LMX1B: variants seen among roughly 807,000 people sequenced by gnomAD.
The protein encoded by LMX1B is LIM homeobox transcription factor 1-beta.
A neutral mutation model predicts 51.4 loss-of-function variants in LMX1B; 12 were observed. That is an observed-to-expected ratio of 0.23 (90% confidence interval 0.15 to 0.38). The LOEUF (loss-of-function observed/expected upper bound fraction) is 0.38. Among genes scored for constraint, LMX1B ranks in the 10% least tolerant of loss-of-function variants. LMX1B has a pLI of 1.00. For synonymous variants in LMX1B, 237 were observed against 235.4 expected, an observed-to-expected ratio of 1.01 and a Z score of -0.06; for missense variants, 445 against 571.1, an observed-to-expected ratio of 0.78 and a Z score of 2.25.
Position 126,673,404 on chromosome 9 carries a change from G to A in LMX1B, c.327-17432G>A, listed in dbSNP as rs1836496255. ...CCGCACCAGGGAGCTGGGCAGATCTGAGAGCCGCACAGGAGGCCAGTGGGG... is the reference window on the plus strand; with the variant it reads ...CCGCACCAGGGAGCTGGGCAGATCTAAGAGCCGCACAGGAGGCCAGTGGGG... On this transcript the variant is annotated intron_variant, in intron 2 of 7. Coordinates refer to ENST00000373474, the MANE Select transcript of LMX1B (RefSeq NM_001174147.2). This position sits in a 1 kb window ranked among gnomAD's most constrained non-coding sequence, Gnocchi z 4.4. Among the ~76,000 whole-genome samples the A allele has an allele frequency of 6.6e-6, 1 of 152,186 alleles. No homozygotes were observed. Among genetic ancestry groups the A allele is most frequent in the Non-Finnish European group, 1.5e-5 (1 of 68,032 alleles).
At chr9:126,669,307 G>A (rs147825462) in intron 2 of LMX1B, among the ~76,000 whole-genome samples, 1 of 152,330 alleles carries the variant, frequency 6.6e-6, no homozygotes, top group Non-Finnish European at 1.5e-5. Flanking sequence ...TGAGGCCTGG[G>A]GAGAGGGAGG....
intron 2 of LMX1B, among the ~76,000 whole-genome samples, chr9:126,676,312 C>T (rs7030658): frequency 6.6e-6 from 1 of 152,082 alleles, no homozygotes; most frequent in Admixed American, 6.5e-5. Flanking sequence ...CTCTGTCTTC[C>T]GAAAAGTGGC....
In LMX1B at chr9:126,660,008, T is replaced by TA. The variant is rs1564158274; in HGVS notation, c.327-30828_327-30827insA. Among the ~76,000 whole-genome samples the TA allele has an allele frequency of 2.7e-4, 24 of 89,744 alleles. 1 individual carries two copies. Among genetic ancestry groups the TA allele is most frequent in the African/African-American group, 9.0e-4 (22 of 24,560 alleles). 58.9% of individuals were successfully genotyped at this position (89,744 alleles called of 152,430 possible). On this transcript the variant is annotated intron_variant, in intron 2 of 7. Transcript: ENST00000373474. ...GTCCTGTGTGTGTCTACACTGGCCT[T>TA]GGAAATTGTCCTGTGTGGGGGTGTC...
intron 2 of LMX1B, among the ~76,000 whole-genome samples, chr9:126,648,787 C>T (rs1210708277): frequency 6.6e-6 from 1 of 152,078 alleles, no homozygotes; most frequent in Non-Finnish European, 1.5e-5. Context: ...ATAGAGGTTA[C>T]CAGGACTGAG....
intron 2 of LMX1B, among the ~76,000 whole-genome samples, chr9:126,617,311 CA>C (rs1316053679): frequency 5.3e-5 from 8 of 151,964 alleles, no homozygotes; most frequent in Admixed American, 5.2e-4. Context: ...CCAGCTCAGC[CA>C]CCAGCCTTTA....
chr9:126,659,065 A>T (rs1564157927), intron 2 of LMX1B, among the ~76,000 whole-genome samples: 1 of 152,218 alleles, frequency 6.6e-6, no homozygotes, highest in South Asian at 2.1e-4. Context: ...ACAGAGAGGC[A>T]TGCAGACGCT....
chr9:126,670,409 G>A (rs1588292807), intron 2 of LMX1B, among the ~76,000 whole-genome samples: 2 of 152,360 alleles, frequency 1.3e-5, no homozygotes, highest in East Asian at 1.9e-4. Context: ...GTGCGTATGA[G>A]CATGCATGTG....
chr9:126,659,628 T>A (rs985690296), intron 2 of LMX1B, among the ~76,000 whole-genome samples: 2 of 152,088 alleles, frequency 1.3e-5, no homozygotes, highest in African/African-American at 4.8e-5. Context: ...GATTGTCCTG[T>A]GTGTGTGTCT....
rs939717591 is a variant in LMX1B at position 126,626,606 on chromosome 9, G to A, written c.326+11037G>A. ...AACCGGCCCTTCCTTCCAGGTCAGG[G>A]GTGGGGGAGAGACTTTCTCCCTCGA... is the stretch of plus-strand genomic sequence containing the variant. On this transcript the variant is annotated intron_variant, in intron 2 of 7. Coordinates refer to ENST00000373474, the MANE Select transcript of LMX1B (RefSeq NM_001174147.2). This position sits in a 1 kb window ranked among gnomAD's most constrained non-coding sequence, Gnocchi z 4.3. 6.6e-6 allele frequency among the ~76,000 whole-genome samples: 1 copy of A among 152,182 alleles called. No homozygotes were observed. Among genetic ancestry groups the A allele is most frequent in the Non-Finnish European group, 1.5e-5 (1 of 68,042 alleles).
intron 2 of LMX1B, among the ~76,000 whole-genome samples, chr9:126,649,892 T>G (rs1467531579): frequency 6.6e-6 from 1 of 152,204 alleles, no homozygotes; most frequent in Non-Finnish European, 1.5e-5. Flanking sequence ...CCTCCCAAAG[T>G]GCTAGGATTA....
At chr9:126,621,430 G>A (rs972560822) in intron 2 of LMX1B, among the ~76,000 whole-genome samples, 9 of 152,232 alleles carry the variant, frequency 5.9e-5, no homozygotes, top group African/African-American at 2.2e-4. Context: ...TACCACTGCA[G>A]TCAGAAGTGG....
At chr9:126,633,287 G>C (rs1291764254) in intron 2 of LMX1B, among the ~76,000 whole-genome samples, 1 of 152,216 alleles carries the variant, frequency 6.6e-6, no homozygotes, top group African/African-American at 2.4e-5. Context: ...ATGGCCCCTG[G>C]GGGAAGCCTT....
At chr9:126,617,749 G>T (rs927248593) in intron 2 of LMX1B, among the ~76,000 whole-genome samples, 2 of 152,146 alleles carry the variant, frequency 1.3e-5, no homozygotes, top group Non-Finnish European at 2.9e-5. Context: ...CGAATCTCAG[G>T]TCCGAAGACC....
At chr9:126,690,775 G>C in intron 2 of LMX1B, 61 bp from the exon 3 acceptor site, 1 of 1,433,570 alleles carries the variant, frequency 7.0e-7, no homozygotes, top group Non-Finnish European at 9.5e-7. Context: ...GCCCTCGGCA[G>C]GAGTGGCCTC....
rs1189255044 is a variant in LMX1B at position 126,626,799 on chromosome 9, T to C, written c.326+11230T>C. 1.3e-5 allele frequency among the ~76,000 whole-genome samples: 2 copies of C among 151,740 alleles called. No individual in the cohort carries two copies. The highest frequency in any genetic ancestry group is 2.9e-5 in the Non-Finnish European group (2 of 67,906). ...CGCCCCACCCCCAGCCCCGCGGCGG[T>C]GATTTGTGTGCGGGGGTCTGTGACC... On this transcript the variant is annotated intron_variant, in intron 2 of 7. Coordinates refer to ENST00000373474, the MANE Select transcript of LMX1B (RefSeq NM_001174147.2). This position sits in a 1 kb window ranked among gnomAD's most constrained non-coding sequence, Gnocchi z 4.3.
At chr9:126,649,211 T>C (rs1164680680) in intron 2 of LMX1B, among the ~76,000 whole-genome samples, 1 of 151,474 alleles carries the variant, frequency 6.6e-6, no homozygotes, top group Non-Finnish European at 1.5e-5. Context: ...TCTGAACAAC[T>C]GCATCAACCT....
At chr9:126,623,823 C>T (rs1176744260) in intron 2 of LMX1B, among the ~76,000 whole-genome samples, 1 of 152,220 alleles carries the variant, frequency 6.6e-6, no homozygotes, top group East Asian at 1.9e-4. Context: ...GAATAATTGC[C>T]TTCCCCTGGG....
intron 4 of LMX1B, 77 bp downstream of exon 4, chr9:126,693,400 C>A: frequency 6.6e-7 from 1 of 1,517,274 alleles, no homozygotes; most frequent in Non-Finnish European, 9.1e-7. Context: ...CCCCCTGCTC[C>A]TGCTGGGGGT....
intron 2 of LMX1B, among the ~76,000 whole-genome samples, chr9:126,631,986 C>T (rs1049037972): frequency 3.9e-5 from 6 of 152,094 alleles, no homozygotes; most frequent in Admixed American, 1.3e-4. Context: ...GAAAAGGGAA[C>T]GGTAGGTGCG....
Sources: gnomAD v4.1 joint callset for allele counts (sites outside exome capture counted in the v4.1 genomes callset) on GRCh38, gnomAD v4.1.1 for gene constraint, Gnocchi (gnomAD v3.1) non-coding constraint, MANE v1.5 for transcripts, NCBI Gene and HGNC (gene_info 2026-07-23, HGNC 2026-07-21) for gene names.